APOD: variants seen among roughly 807,000 people sequenced by gnomAD.
APOD encodes the protein apo-D.
In APOD, 22 loss-of-function variants were observed where a neutral mutation model predicts 20.4. The observed-to-expected ratio is 1.08, with a 90% confidence interval of 0.77 to 1.54. The LOEUF (loss-of-function observed/expected upper bound fraction) is 1.54. Ranked by LOEUF, APOD falls within the 40% of genes most tolerant of loss-of-function variation. APOD has a pLI of 0.00. For synonymous variants in APOD, 97 were observed against 92.4 expected, an observed-to-expected ratio of 1.05 and a Z score of -0.29; for missense variants, 223 against 229.6, an observed-to-expected ratio of 0.97 and a Z score of 0.19.
At chr3:195,576,681 G>A (rs148125816) in intron 2 of APOD, among the ~76,000 whole-genome samples, 22 of 152,042 alleles carry the variant, frequency 1.4e-4, no homozygotes, top group Non-Finnish European at 2.8e-4. Context: ...ATGGTGGCAC[G>A]CAACTGTAAT....
At position 195,568,837 on chromosome 3, in the gene APOD, G is replaced by GGGTGT; in HGVS notation, c.*62_*63insACACC. On this transcript the variant is annotated 3_prime_UTR_variant, in exon 5 of 5. Transcript: ENST00000343267. The stretch of plus-strand genomic sequence containing the variant: ...GTTGATTGGTTTGTCTTTATGGGGG[G>GGGTGT]GGGGTAGGGGAAAGCGAAGCAGAAG... 2 of 975,810 alleles carry GGGTGT rather than the reference G, an allele frequency of 2.0e-6. No individual in the cohort carries two copies. Among genetic ancestry groups the GGGTGT allele is most frequent in the South Asian group, 3.0e-5 (2 of 67,084 alleles). 60.4% of individuals were successfully genotyped at this position (975,810 alleles called of 1,614,324 possible).
Position 195,568,844 on chromosome 3 carries a change from G to C in APOD, c.*56C>G. ...GGTTTGTCTTTATGGGGGGGGGGTA[G>C]GGGAAAGCGAAGCAGAAGTAACATG... is the stretch of plus-strand genomic sequence containing the variant. On this transcript the variant is annotated 3_prime_UTR_variant, in exon 5 of 5. Transcript: ENST00000343267. 7.4e-7 allele frequency: 1 copy of C among 1,346,346 alleles called. No homozygotes were observed. The highest frequency in any genetic ancestry group is 1.1e-6 in the Non-Finnish European group (1 of 941,978). 83.4% of individuals were successfully genotyped at this position (1,346,346 alleles called of 1,614,324 possible). A position where few individuals can be genotyped will look rare whatever the true frequency, so the allele number is the denominator to read the frequency against.
chr3:195,575,034 C>G (rs1720226472), intron 2 of APOD, among the ~76,000 whole-genome samples: 1 of 152,252 alleles, frequency 6.6e-6, no homozygotes, highest in Non-Finnish European at 1.5e-5. Context: ...AGAAGTCTGA[C>G]AGGTCTCACT....
rs566652908 is a variant in APOD at position 195,571,054 on chromosome 3, T to C, written c.334+223A>G. On this transcript the variant is annotated intron_variant, in intron 4 of 4. Transcript: ENST00000343267. ...AGTAAATTGCGGGGTCACGTGTCAG[T>C]ATCCACACTGGGATGTGAGCTCCAT... The C allele has an allele frequency of 2.5e-4, 141 of 571,428 alleles. 1 individual carries two copies. Among genetic ancestry groups the C allele is most frequent in the African/African-American group, 2.4e-3 (129 of 53,624 alleles). The allele number at this position is 571,428 out of a possible 1,614,324, so 35.4% of individuals were successfully genotyped here. A position where few individuals can be genotyped will look rare whatever the true frequency, so the allele number is the denominator to read the frequency against.
rs751722415 is a variant in APOD at position 195,573,953 on chromosome 3, C to T, written c.142G>A (p.Glu48Lys). The change falls in exon 3 of 5, where the codon GAA (glutamate) becomes AAA (lysine). Residue 48 changes from glutamate to lysine, a missense_variant. Coordinates refer to ENST00000343267, the MANE Select transcript of APOD (RefSeq NM_001647.4). Reference sequence around the variant, plus strand: ...AAGGTTGTTGGGATCTTCTCAATTTCGTACCATCTTCCGAGATACTGCAGA... The same window carrying T: ...AAGGTTGTTGGGATCTTCTCAATTTTGTACCATCTTCCGAGATACTGCAGA... ...DVNKYLGRWY[E>K]IEKIPTTFEN... 19 of 1,614,066 alleles carry T rather than the reference C, an allele frequency of 1.2e-5. No individual in the cohort carries two copies. Among genetic ancestry groups the T allele is most frequent in the African/African-American group, 8.0e-5 (6 of 74,922 alleles).
intron 2 of APOD, 87 bp from the exon 3 acceptor site, chr3:195,574,058 G>C (rs138499345): frequency 6.5e-7 from 1 of 1,533,434 alleles, no homozygotes; most frequent in Admixed American, 2.1e-5. Context: ...GCAGAGCCCT[G>C]TCCTGGGGAA....
intron 2 of APOD, among the ~76,000 whole-genome samples, chr3:195,574,966 A>G (rs1720225856): frequency 6.6e-6 from 1 of 152,260 alleles, no homozygotes; most frequent in Non-Finnish European, 1.5e-5. Context: ...TTGCTGCTAT[A>G]ATAAATTAGC....
chr3:195,572,071 G>T (rs939474862), intron 3 of APOD, among the ~76,000 whole-genome samples: 1 of 152,216 alleles, frequency 6.6e-6, no homozygotes, highest in Non-Finnish European at 1.5e-5. Context: ...GTGAGCCGCC[G>T]TGCCTGGCAG....
intron 1 of APOD, chr3:195,583,244 G>C (rs558370155): frequency 4.6e-5 from 7 of 152,186 alleles, no homozygotes; most frequent in Non-Finnish European, 8.8e-5. Flanking sequence ...GGACAGGCTA[G>C]AATGTAAGCC....
chr3:195,570,570 G>A (rs1468041311), intron 4 of APOD: 2 of 152,274 alleles, frequency 1.3e-5, no homozygotes, highest in Non-Finnish European at 2.9e-5. Flanking sequence ...TGAGAAGTAG[G>A]AAGTGCAGGG....
chr3:195,571,394 C>CA (rs779161494), intron 3 of APOD, 29 bp from the exon 4 acceptor site: 15 of 1,546,310 alleles, frequency 9.7e-6, no homozygotes, highest in East Asian at 6.8e-5. Context: ...AGAAAAAATA[C>CA]AAAAAACGAA....
chr3:195,569,807 T>G, intron 4 of APOD, among the ~76,000 whole-genome samples: 1 of 137,768 alleles, frequency 7.3e-6, no homozygotes, highest in Admixed American at 7.3e-5. Flanking sequence ...TTTTTTTTTT[T>G]TTTTTTTTTG....
intron 3 of APOD, among the ~76,000 whole-genome samples, chr3:195,572,095 T>C (rs1299011415): frequency 1.3e-5 from 2 of 152,210 alleles, no homozygotes; most frequent in African/African-American, 4.8e-5. Context: ...CACTTCTTTT[T>C]AAAACGAGAA....
chr3:195,577,303 C>T, intron 2 of APOD: 1 of 222,832 alleles, frequency 4.5e-6, no homozygotes, highest in Non-Finnish European at 9.2e-6. Flanking sequence ...ACTCTGAAAA[C>T]TACAAAGTAT....
At chr3:195,578,572 T>C (rs1326067357) in intron 2 of APOD, among the ~76,000 whole-genome samples, 9 of 152,092 alleles carry the variant, frequency 5.9e-5, no homozygotes, top group Admixed American at 5.9e-4. Context: ...GCCGCCCTCT[T>C]CCTTCCCCTC....
At chr3:195,572,652 T>TAAACA (rs1720180576) in intron 3 of APOD, among the ~76,000 whole-genome samples, 1 of 152,164 alleles carries the variant, frequency 6.6e-6, no homozygotes, top group Non-Finnish European at 1.5e-5. Context: ...AGAGGATGTC[T>TAAACA]GTTTATCAAT....
chr3:195,571,599 G>A (rs6605336), intron 3 of APOD, among the ~76,000 whole-genome samples: 136,836 of 151,946 alleles, frequency 0.9, 61,665 homozygotes, highest in East Asian at 0.99. Flanking sequence ...GAGCAGCGGG[G>A]TGATAAGAAG....
At chr3:195,569,587 C>T (rs918783457) in intron 4 of APOD, among the ~76,000 whole-genome samples, 19 of 152,028 alleles carry the variant, frequency 1.2e-4, no homozygotes, top group South Asian at 4.1e-4. Context: ...GGTCCAGTTC[C>T]GAAGAATAAA....
chr3:195,571,138 T>A lies in APOD; in HGVS notation c.334+139A>T, dbSNP rs1169949375. ...GGCAACCCTAGTGCGTGACATGTAG[T>A]AAGTGTTTGACAGATAATTATGTGC... On this transcript the variant is annotated intron_variant, in intron 4 of 4. Transcript: ENST00000343267. The A allele has an allele frequency of 1.8e-5, 14 of 789,580 alleles. 1 individual carries two copies. In the Middle Eastern group the frequency reaches 3.7e-3, roughly 208 times the overall value. 48.9% of individuals were successfully genotyped at this position (789,580 alleles called of 1,614,324 possible).
Sources: allele counts gnomAD v4.1 joint callset (sites outside exome capture counted in the v4.1 genomes callset), GRCh38; gene constraint gnomAD v4.1.1; transcripts MANE v1.5; gene names NCBI Gene and HGNC (gene_info 2026-07-23, HGNC 2026-07-21).